Variants in ERCC6 observed in about 807,000 individuals in gnomAD.
ERCC6 encodes the protein ERCC excision repair 6, chromatin remodeling factor.
A neutral mutation model predicts 158.7 loss-of-function variants in ERCC6; 116 were observed. The ratio of observed to expected loss-of-function variants is 0.73; its 90% CI spans 0.63 to 0.85. The LOEUF (loss-of-function observed/expected upper bound fraction) is 0.85. Among genes scored for constraint, ERCC6 ranks in the 40% least tolerant of loss-of-function variants. The pLI is 0.00. For missense variants in ERCC6, 1,698 were observed against 1,799.4 expected, an observed-to-expected ratio of 0.94 and a Z score of 1.02; for synonymous variants, 678 against 659.3, an observed-to-expected ratio of 1.03 and a Z score of -0.43.
At chr10:49,481,877 C>T (rs1046778998) in intron 10 of ERCC6, among the ~76,000 whole-genome samples, 2 of 152,216 alleles carry the variant, frequency 1.3e-5, no homozygotes, top group Non-Finnish European at 2.9e-5. Flanking sequence ...TCCAGGTCCT[C>T]ATGGCCCTCA....
At chr10:49,469,086 G>A (rs1850726801) in intron 18 of ERCC6, among the ~76,000 whole-genome samples, 1 of 152,156 alleles carries the variant, frequency 6.6e-6, no homozygotes. Flanking sequence ...ATCACCATTT[G>A]GCAACCATTG....
At chr10:49,461,649 A>T in intron 18 of ERCC6, 93 bp from the exon 19 acceptor site, 1 of 1,249,506 alleles carries the variant, frequency 8.0e-7, no homozygotes, top group South Asian at 1.3e-5. Flanking sequence ...GTAGTAGACA[A>T]AAACAAAGTG....
the ERCC6 span, among the ~76,000 whole-genome samples, chr10:49,436,076 T>G: frequency 1.3e-5 from 2 of 151,358 alleles, no homozygotes; most frequent in East Asian, 3.9e-4. Flanking sequence ...ACTCAAATTA[T>G]TATTTGAAGA....
intron 18 of ERCC6, among the ~76,000 whole-genome samples, chr10:49,462,126 G>A (rs1850593812): frequency 6.6e-6 from 1 of 152,114 alleles, no homozygotes; most frequent in Non-Finnish European, 1.5e-5. Flanking sequence ...CACCCTATTG[G>A]ACAATAAAAC....
intron 1 of ERCC6, among the ~76,000 whole-genome samples, chr10:49,536,142 G>A (rs1209282881): frequency 3.9e-5 from 6 of 152,114 alleles, no homozygotes. Flanking sequence ...TTTCAGTGGA[G>A]CGATAGGGCC....
chr10:49,444,777 C>A, the ERCC6 span, among the ~76,000 whole-genome samples: 1 of 152,018 alleles, frequency 6.6e-6, no homozygotes, highest in South Asian at 2.1e-4. Context: ...GAGTATTTCC[C>A]AATTTATTTT....
In ERCC6 at chr10:49,470,972, T is replaced by A; in HGVS notation, c.3070+3A>T. On this transcript the variant is annotated splice_donor_region_variant and intron_variant, in intron 17 of 20. Coordinates refer to ENST00000355832, the MANE Select transcript of ERCC6 (RefSeq NM_000124.4). Reference sequence around the variant, plus strand: ...CTTTAAATTAAATGATTTTATGTAATACCTGCAAAAATTGCACTTGTTTCA... The same window carrying A: ...CTTTAAATTAAATGATTTTATGTAAAACCTGCAAAAATTGCACTTGTTTCA... 1.2e-6 allele frequency: 2 copies of A among 1,613,996 alleles called. No homozygotes were observed. Among genetic ancestry groups the A allele is most frequent in the Non-Finnish European group, 1.7e-6 (2 of 1,179,980 alleles).
downstream of ERCC6, among the ~76,000 whole-genome samples, chr10:49,450,906 G>C (rs928966767): frequency 3.3e-5 from 5 of 151,864 alleles, no homozygotes; most frequent in African/African-American, 9.7e-5. Flanking sequence ...CCGCCTCCCA[G>C]GTTCATGCCA....
At position 49,472,906 on chromosome 10, in the gene ERCC6, A is replaced by T; in HGVS notation, c.2829+3T>A. The T allele has an allele frequency of 6.2e-7, 1 of 1,613,596 alleles. No homozygotes were observed. The highest frequency in any genetic ancestry group is 8.5e-7 in the Non-Finnish European group (1 of 1,179,784). ...TTCTTTTAAAAAAAAAATAAAAACA[A>T]ACCTGCGTGTCCGTGCTTGGGTTCC... On this transcript the variant is annotated splice_donor_region_variant and intron_variant, in intron 15 of 20. Coordinates refer to ENST00000355832, the MANE Select transcript of ERCC6 (RefSeq NM_000124.4).
intron 8 of ERCC6, among the ~76,000 whole-genome samples, chr10:49,490,903 T>C (rs1851163836): frequency 6.6e-6 from 1 of 152,168 alleles, no homozygotes; most frequent in African/African-American, 2.4e-5. Flanking sequence ...AAATCACAGC[T>C]GATAAGGAAG....
chr10:49,438,895 C>T, the ERCC6 span, among the ~76,000 whole-genome samples: 4 of 152,338 alleles, frequency 2.6e-5, no homozygotes, highest in East Asian at 7.7e-4. Context: ...CCAAAACGAT[C>T]TCCTTTGACT....
intron 8 of ERCC6, among the ~76,000 whole-genome samples, chr10:49,492,607 C>A (rs1382738408): frequency 6.6e-6 from 1 of 152,166 alleles, no homozygotes; most frequent in Non-Finnish European, 1.5e-5. Flanking sequence ...TGAAGAAATA[C>A]AACTGTCAAT....
Position 49,524,658 on chromosome 10 carries a change from T to C in ERCC6, c.772A>G (p.Lys258Glu). Reference protein sequence around the residue: ...FGTQIPQKQEKKPRKIMLNEA... With the variant: ...FGTQIPQKQEEKPRKIMLNEA... ...TTAAGCATGATTTTTCTGGGCTTTT[T>C]CTCCTGTTTCTGAGGGATCTGGGTA... is the stretch of plus-strand genomic sequence containing the variant. Residue 258 changes from lysine (K) to glutamate (E), a missense_variant, in exon 5 of 21, where the codon AAA (lysine) becomes GAA (glutamate). Physicochemically the swap from Lys to Glu is moderately conservative, Grantham distance 56. Coordinates refer to ENST00000355832, the MANE Select transcript of ERCC6 (RefSeq NM_000124.4). 1 of 1,614,016 alleles carries C rather than the reference T, an allele frequency of 6.2e-7. No homozygotes were observed. The highest frequency in any genetic ancestry group is 8.5e-7 in the Non-Finnish European group (1 of 1,180,036).
At position 49,516,836 on chromosome 10, in the gene ERCC6, C is replaced by T. The variant is rs146613178; in HGVS notation, c.1397+7197G>A. On this transcript the variant is annotated intron_variant, in intron 5 of 20. Transcript: ENST00000355832. Reference sequence around the variant, plus strand: ...ATGGTGGAGGTTGCTGCACAGTAAACGTAGATGGAACTTCATCAGGAGAGT... The same window carrying T: ...ATGGTGGAGGTTGCTGCACAGTAAATGTAGATGGAACTTCATCAGGAGAGT... 5.7e-5 allele frequency: 92 copies of T among 1,614,124 alleles called. 1 individual carries two copies. The African/African-American group carries it at 7.3e-4, about 13-fold the overall frequency.
chr10:49,438,191 G>A, the ERCC6 span, among the ~76,000 whole-genome samples: 1 of 152,286 alleles, frequency 6.6e-6, no homozygotes, highest in South Asian at 2.1e-4. Context: ...AGCATGCCTG[G>A]AGACCAATAC....
At chr10:49,520,097 T>A (rs532530772) in intron 5 of ERCC6, among the ~76,000 whole-genome samples, 1 of 152,304 alleles carries the variant, frequency 6.6e-6, no homozygotes, top group East Asian at 1.9e-4. Flanking sequence ...GAAACTGATA[T>A]ACAAACTGCA....
the ERCC6 span, among the ~76,000 whole-genome samples, chr10:49,446,846 A>G: frequency 2.0e-5 from 3 of 152,218 alleles, no homozygotes; most frequent in Non-Finnish European, 4.4e-5. Context: ...GGATAGCTTA[A>G]CCAGAAAGTT....
At chr10:49,509,754 T>C (rs1314014038) in intron 5 of ERCC6, among the ~76,000 whole-genome samples, 3 of 152,288 alleles carry the variant, frequency 2.0e-5, no homozygotes, top group East Asian at 1.9e-4. Context: ...TTTCAAAAAG[T>C]AGACCAGTTA....
chr10:49,450,660 C>CT (rs1238999198), downstream of ERCC6, among the ~76,000 whole-genome samples: 16 of 151,766 alleles, frequency 1.1e-4, no homozygotes, highest in African/African-American at 3.9e-4. Context: ...TTATTTAGGT[C>CT]TTCTTTAATT....
Sources: allele counts gnomAD v4.1 joint callset (sites outside exome capture counted in the v4.1 genomes callset), GRCh38; gene constraint gnomAD v4.1.1; transcripts MANE v1.5; gene names NCBI Gene and HGNC (gene_info 2026-07-23, HGNC 2026-07-21).